Variants in SH2B3 observed in about 807,000 individuals in gnomAD.
SH2B3 encodes SH2B adaptor protein 3.
Under a neutral mutation model 51.9 loss-of-function variants are expected in SH2B3, and 43 were observed. The ratio of observed to expected loss-of-function variants is 0.83; its 90% CI spans 0.65 to 1.07. SH2B3 has a LOEUF of 1.07. Ranked by LOEUF, SH2B3 falls within the 50% of genes least tolerant of loss-of-function variation. SH2B3 has a pLI of 0.00. For missense variants in SH2B3, 952 were observed against 834.3 expected, an observed-to-expected ratio of 1.14 and a Z score of -1.74; for synonymous variants, 396 against 376.0, an observed-to-expected ratio of 1.05 and a Z score of -0.62.
intron 2 of SH2B3, among the ~76,000 whole-genome samples, chr12:111,421,539 C>G (rs947119909): frequency 1.5e-4 from 23 of 151,796 alleles, no homozygotes; most frequent in African/African-American, 5.3e-4. Flanking sequence ...ACCTCAGCCT[C>G]CCGAGTAACT....
rs1458669021 is a variant in SH2B3 at position 111,418,325 on chromosome 12, C to T, written c.180C>T (p.Ala60=). Residue 60 remains alanine (A), a synonymous_variant, in exon 2 of 8, where the codon GCC becomes GCT. Coordinates refer to ENST00000341259, the MANE Select transcript of SH2B3 (RefSeq NM_005475.3). The surrounding 1 kb of genome is among the most constrained non-coding windows in gnomAD (Gnocchi z 6.7). ...REHPQHAPLR[A]ELVSLQFTDL... ...ATCCGCAGCACGCGCCGCTGCGCGC[C>T]GAGCTGGTGTCGCTGCAGTTCACCG... 1.8e-5 allele frequency: 27 copies of T among 1,526,016 alleles called. No individual in the cohort carries two copies. Among genetic ancestry groups the T allele is most frequent in the African/African-American group, 5.6e-5 (4 of 71,514 alleles). The allele number at this position is 1,526,016 out of a possible 1,614,324, so 94.5% of individuals were successfully genotyped here. A position where few individuals can be genotyped will look rare whatever the true frequency, so the allele number is the denominator to read the frequency against.
rs549087537 is a variant in SH2B3 at position 111,422,566 on chromosome 12, T to G, written c.732+3689T>G. On this transcript the variant is annotated intron_variant, in intron 2 of 7. Coordinates refer to ENST00000341259, the MANE Select transcript of SH2B3 (RefSeq NM_005475.3). ...GCTTTTCATGAAAAGCAGTTTTGTTTTTTTTTTTTCTTGAGATGGAGTCTC... is the reference window on the plus strand; with the variant it reads ...GCTTTTCATGAAAAGCAGTTTTGTTGTTTTTTTTTCTTGAGATGGAGTCTC... Among the ~76,000 whole-genome samples, 3 of 151,950 alleles carry G rather than the reference T, an allele frequency of 2.0e-5. No homozygotes were observed. The East Asian group carries it at 5.8e-4, about 30-fold the overall frequency.
Position 111,435,209 on chromosome 12 carries a change from G to T in SH2B3, c.733-11544G>T, listed in dbSNP as rs1348140234. 2.6e-5 allele frequency among the ~76,000 whole-genome samples: 4 copies of T among 152,208 alleles called. No individual in the cohort carries two copies. The highest frequency in any genetic ancestry group is 9.7e-5 in the African/African-American group (4 of 41,448). ...GCTTGGCCGGGGCTTCCCCGAGCTG[G>T]TCCTGGCTTTGTGGCAGGGGGATGG... On this transcript the variant is annotated intron_variant, in intron 2 of 7. Transcript: ENST00000341259. The surrounding 1 kb of genome is among the most constrained non-coding windows in gnomAD (Gnocchi z 4.8).
chr12:111,445,903 T>A (rs1456429895), intron 2 of SH2B3, among the ~76,000 whole-genome samples: 1 of 152,264 alleles, frequency 6.6e-6, no homozygotes, highest in African/African-American at 2.4e-5. Context: ...CCTTTTGGGC[T>A]GAGGTGGAGG....
At chr12:111,447,924 G>A in intron 7 of SH2B3, 59 bp from the exon 8 acceptor site, 1 of 1,550,950 alleles carries the variant, frequency 6.4e-7, no homozygotes. Context: ...CTTGTTCTGT[G>A]TCCTGTCAGC....
At position 111,406,265 on chromosome 12, in the gene SH2B3, T is replaced by G. The variant is rs1870236974; in HGVS notation, c.-40T>G. ...GCCATGGGCCGGCCGGGCCCAGAGC[T>G]CCTGTCTCTCAGGTGAGCCCGCGTT... is the stretch of plus-strand genomic sequence containing the variant. On this transcript the variant is annotated 5_prime_UTR_variant, in exon 1 of 8. Transcript: ENST00000341259. This position sits in a 1 kb window ranked among gnomAD's most constrained non-coding sequence, Gnocchi z 5.7. 2.0e-5 allele frequency: 3 copies of G among 151,984 alleles called. No individual in the cohort carries two copies. The highest frequency in any genetic ancestry group is 1.3e-4 in the Admixed American group (2 of 15,274). 9.4% of individuals were successfully genotyped at this position (151,984 alleles called of 1,614,324 possible). A position where few individuals can be genotyped will look rare whatever the true frequency, so the allele number is the denominator to read the frequency against.
chr12:111,425,585 G>A (rs1460872423), intron 2 of SH2B3, among the ~76,000 whole-genome samples: 1 of 152,186 alleles, frequency 6.6e-6, no homozygotes, highest in African/African-American at 2.4e-5. Flanking sequence ...AGTGGAGCTG[G>A]ATTGCAGAGG....
chr12:111,439,295 A>G (rs1873183363), intron 2 of SH2B3, among the ~76,000 whole-genome samples: 1 of 152,134 alleles, frequency 6.6e-6, no homozygotes, highest in African/African-American at 2.4e-5. Context: ...GATTATAGGC[A>G]TGTGTCATCA....
chr12:111,433,411 T>C (rs1399591452), intron 2 of SH2B3, among the ~76,000 whole-genome samples: 3 of 152,220 alleles, frequency 2.0e-5, no homozygotes, highest in African/African-American at 7.2e-5. Context: ...CTGAAGCAAC[T>C]GTACCATTTT....
Position 111,418,316 on chromosome 12 carries a change from G to A in SH2B3, c.171G>A (p.Pro57=), listed in dbSNP as rs892115505. Residue 57 remains proline, a synonymous_variant, in exon 2 of 8, where the codon CCG becomes CCA. Transcript: ENST00000341259. This position sits in a 1 kb window ranked among gnomAD's most constrained non-coding sequence, Gnocchi z 6.7. ...LFAREHPQHA[P]LRAELVSLQF... Reference sequence around the variant, plus strand: ...CCCGGGAGCATCCGCAGCACGCGCCGCTGCGCGCCGAGCTGGTGTCGCTGC... The same window carrying A: ...CCCGGGAGCATCCGCAGCACGCGCCACTGCGCGCCGAGCTGGTGTCGCTGC... 2 of 1,527,378 alleles carry A rather than the reference G, an allele frequency of 1.3e-6. No homozygotes were observed. Among genetic ancestry groups the A allele is most frequent in the Non-Finnish European group, 1.7e-6 (2 of 1,143,062 alleles). 94.6% of individuals were successfully genotyped at this position (1,527,378 alleles called of 1,614,324 possible). A position where few individuals can be genotyped will look rare whatever the true frequency, so the allele number is the denominator to read the frequency against.
At chr12:111,445,209 G>A (rs1873814211) in intron 2 of SH2B3, among the ~76,000 whole-genome samples, 1 of 152,186 alleles carries the variant, frequency 6.6e-6, no homozygotes, top group Admixed American at 6.5e-5. Context: ...CTCCAGGCCT[G>A]GCCTATATCC....
intron 2 of SH2B3, among the ~76,000 whole-genome samples, chr12:111,441,508 G>C (rs1456727670): frequency 6.6e-6 from 1 of 152,166 alleles, no homozygotes; most frequent in African/African-American, 2.4e-5. Flanking sequence ...GTAGCCCTGA[G>C]GGATTTCTGG....
chr12:111,446,402 C>T (rs1019025375), intron 2 of SH2B3, among the ~76,000 whole-genome samples: 3 of 152,262 alleles, frequency 2.0e-5, no homozygotes, highest in African/African-American at 4.8e-5. Flanking sequence ...TGTGATGAGA[C>T]CGTCAGCAGC....
chr12:111,421,663 C>G (rs1013136330), intron 2 of SH2B3, among the ~76,000 whole-genome samples: 1 of 152,100 alleles, frequency 6.6e-6, no homozygotes, highest in African/African-American at 2.4e-5. Context: ...ATGGTCCCCC[C>G]ACTTCGGCCT....
Position 111,418,463 on chromosome 12 carries a change from A to AGGCCCC in SH2B3, c.326_331dup (p.Gly109_Pro110dup). ...CCAAGGCCGAGGCGTCCCCGGAGCC[A>AGGCCCC]GGCCCCGGCCCCGCCGCCCCTGGCC... is the stretch of plus-strand genomic sequence containing the variant. On this transcript the variant is annotated inframe_insertion, in exon 2 of 8. Coordinates refer to ENST00000341259, the MANE Select transcript of SH2B3 (RefSeq NM_005475.3). The surrounding 1 kb of genome is among the most constrained non-coding windows in gnomAD (Gnocchi z 6.7). 2 of 1,374,856 alleles carry AGGCCCC rather than the reference A, an allele frequency of 1.5e-6. No individual in the cohort carries two copies. Among genetic ancestry groups the AGGCCCC allele is most frequent in the Non-Finnish European group, 9.3e-7 (1 of 1,070,622 alleles). 85.2% of individuals were successfully genotyped at this position (1,374,856 alleles called of 1,614,324 possible).
At chr12:111,447,923 T>G in intron 7 of SH2B3, 60 bp from the exon 8 acceptor site, 4 of 1,550,962 alleles carry the variant, frequency 2.6e-6, no homozygotes, top group Non-Finnish European at 2.6e-6. Context: ...TCTTGTTCTG[T>G]GTCCTGTCAG....
At chr12:111,434,331 C>T (rs975067977) in intron 2 of SH2B3, among the ~76,000 whole-genome samples, 4 of 152,234 alleles carry the variant, frequency 2.6e-5, no homozygotes, top group African/African-American at 9.6e-5. Flanking sequence ...GCCTCCAGCC[C>T]GTGGCAACCA....
chr12:111,429,937 C>T lies in SH2B3; in HGVS notation c.732+11060C>T, dbSNP rs140080146. Among the ~76,000 whole-genome samples, 31 of 152,288 alleles carry T rather than the reference C, an allele frequency of 2.0e-4. No individual in the cohort carries two copies. Among genetic ancestry groups the T allele is most frequent in the African/African-American group, 6.7e-4 (28 of 41,576 alleles). On this transcript the variant is annotated intron_variant, in intron 2 of 7. Coordinates refer to ENST00000341259, the MANE Select transcript of SH2B3 (RefSeq NM_005475.3). The surrounding 1 kb of genome is among the most constrained non-coding windows in gnomAD (Gnocchi z 4.4). ...CCACCGTCAGAACGAGCCTGTATCC[C>T]GGCAAGCAGGGCAGACTGAGCCCTG...
chr12:111,439,627 G>A (rs1873221095), intron 2 of SH2B3, among the ~76,000 whole-genome samples: 1 of 152,240 alleles, frequency 6.6e-6, no homozygotes, highest in Non-Finnish European at 1.5e-5. Context: ...TGTCGAGGCT[G>A]GAGTGCAGTG....
Sources: gnomAD v4.1 joint callset for allele counts (sites outside exome capture counted in the v4.1 genomes callset) on GRCh38, gnomAD v4.1.1 for gene constraint, Gnocchi (gnomAD v3.1) non-coding constraint, MANE v1.5 for transcripts, NCBI Gene and HGNC (gene_info 2026-07-23, HGNC 2026-07-21) for gene names.